The following GPR89B variants were observed in gnomAD, a reference collection of about 807,000 sequenced individuals.
The protein encoded by GPR89B is G protein-coupled receptor 89B.
Under a neutral mutation model 52.4 loss-of-function variants are expected in GPR89B, and 25 were observed. The observed-to-expected ratio is 0.48, with a 90% CI of 0.35 to 0.67. The LOEUF (loss-of-function observed/expected upper bound fraction) is 0.67, where lower values mean the gene tolerates loss of function less well. Ranked by LOEUF, GPR89B falls within the 30% of genes least tolerant of loss-of-function variation. GPR89B has a pLI of 0.01. For synonymous variants in GPR89B, 52 were observed against 151.2 expected, an observed-to-expected ratio of 0.34 and a Z score of 4.81; for missense variants, 146 against 450.2, an observed-to-expected ratio of 0.32 and a Z score of 6.11.
At chr1:147,962,756 G>A (rs1275314337) in intron 7 of GPR89B, among the ~76,000 whole-genome samples, 4 of 151,586 alleles carry the variant, frequency 2.6e-5, no homozygotes, top group African/African-American at 7.3e-5. Context: ...AAATTAGCCC[G>A]GTGTGGTGGC....
rs1485782659 is a variant in GPR89B, at chr1:147,940,272, G to A, written c.206+1455G>A. On this transcript the variant is annotated intron_variant, in intron 3 of 13. Coordinates refer to ENST00000314163, the MANE Select transcript of GPR89B (RefSeq NM_016334.5). ...CAAAAAATTAGCTGGGCATGGTGGT[G>A]GGCGCCTGTAGTCCCAGCTACTTGG... Among the ~76,000 whole-genome samples the A allele has an allele frequency of 2.0e-5, 3 of 151,696 alleles. No homozygotes were observed. In the East Asian group the frequency reaches 5.8e-4, roughly 30 times the overall value.
chr1:148,005,876 C>T, the GPR89B span, among the ~76,000 whole-genome samples: 1 of 151,940 alleles, frequency 6.6e-6, no homozygotes, highest in Non-Finnish European at 1.5e-5. Flanking sequence ...TCCAATGTAC[C>T]AACAAACTGG....
At chr1:148,014,946 T>C in the GPR89B span, 1 of 151,372 alleles carries the variant, frequency 6.6e-6, no homozygotes, top group African/African-American at 2.4e-5. Flanking sequence ...AAGATGCGCC[T>C]CTCCGGTTTT....
chr1:147,966,837 A>G, intron 8 of GPR89B, 174 bp downstream of exon 8: 1 of 23,734 alleles, frequency 4.2e-5, no homozygotes, highest in Non-Finnish European at 9.6e-5. Flanking sequence ...GCACCTGCAC[A>G]ATATCATAAA....
intron 5 of GPR89B, among the ~76,000 whole-genome samples, chr1:147,952,970 T>C (rs1321996112): frequency 1.3e-5 from 2 of 150,968 alleles, no homozygotes; most frequent in African/African-American, 4.9e-5. Flanking sequence ...CTGCTATTTA[T>C]ACTTTTCCAG....
chr1:148,017,531 G>A, the GPR89B span, among the ~76,000 whole-genome samples: 5 of 149,256 alleles, frequency 3.3e-5, no homozygotes, highest in Admixed American at 6.6e-5. Context: ...TCAGGAGATC[G>A]AGACCATCCT....
the GPR89B span, among the ~76,000 whole-genome samples, chr1:148,002,902 G>A: frequency 1.3e-5 from 2 of 152,118 alleles, no homozygotes; most frequent in Non-Finnish European, 2.9e-5. Flanking sequence ...TACAAAGCCT[G>A]AACTCAAGTG....
At position 147,957,029 on chromosome 1, in the gene GPR89B, A is replaced by G. The variant is rs1193318303; in HGVS notation, c.617+2627A>G. On this transcript the variant is annotated intron_variant, in intron 7 of 13. Coordinates refer to ENST00000314163, the MANE Select transcript of GPR89B (RefSeq NM_016334.5). ...GCTGGGATTACAGGCGTGAGCCACC[A>G]TGCCCAGCCTTATTGTCCTGAATTT... 6.3e-4 allele frequency among the ~76,000 whole-genome samples: 96 copies of G among 151,934 alleles called. 1 individual carries two copies. The highest frequency in any genetic ancestry group is 6.0e-4 in the Non-Finnish European group (41 of 67,960).
chr1:147,933,256 A>G (rs1653798528), intron 1 of GPR89B, among the ~76,000 whole-genome samples: 1 of 151,500 alleles, frequency 6.6e-6, no homozygotes, highest in Non-Finnish European at 1.5e-5. Flanking sequence ...GGCTCTCCCT[A>G]GAGTAATTTG....
At chr1:147,980,836 A>AT (rs1308480053) in intron 10 of GPR89B, among the ~76,000 whole-genome samples, 2 of 149,054 alleles carry the variant, frequency 1.3e-5, no homozygotes, top group Non-Finnish European at 3.0e-5. Flanking sequence ...AAAAAAAAAA[A>AT]AAAAAAAAAA....
intron 5 of GPR89B, among the ~76,000 whole-genome samples, chr1:147,944,898 A>C (rs1362111512): frequency 8.6e-5 from 13 of 151,680 alleles, no homozygotes; most frequent in South Asian, 4.1e-4. Context: ...TTTTAAAAAT[A>C]TATATATATA....
intron 9 of GPR89B, 159 bp from the exon 10 acceptor site, chr1:147,969,708 A>G (rs1657280274): frequency 2.5e-6 from 2 of 808,788 alleles, no homozygotes; most frequent in African/African-American, 3.6e-5. Context: ...GCAAGCATTC[A>G]GTAAATGCTG....
At chr1:147,979,363 C>G (rs1461351911) in intron 10 of GPR89B, among the ~76,000 whole-genome samples, 1,554 of 151,342 alleles carry the variant, frequency 0.01, 22 homozygotes, top group Non-Finnish European at 0.017. Context: ...CTTCCTTCTT[C>G]TTATCCTTTT....
intron 2 of GPR89B, among the ~76,000 whole-genome samples, chr1:147,938,054 C>G (rs1190811113): frequency 2.0e-5 from 3 of 152,058 alleles, no homozygotes; most frequent in Non-Finnish European, 2.9e-5. Context: ...AATTTATGTT[C>G]TTCTGCTGCG....
chr1:147,996,618 G>A (rs1571330213), downstream of GPR89B: 5 of 1,611,780 alleles, frequency 3.1e-6, no homozygotes, highest in Middle Eastern at 6.8e-4. Context: ...TTAGGCTTAT[G>A]ATCTTCTTCC....
At chr1:148,008,801 T>C in the GPR89B span, among the ~76,000 whole-genome samples, 3 of 152,222 alleles carry the variant, frequency 2.0e-5, no homozygotes, top group African/African-American at 7.2e-5. Context: ...GAGGATACTA[T>C]CAAAATGTTA....
intron 7 of GPR89B, among the ~76,000 whole-genome samples, chr1:147,962,352 A>T (rs2149069215): frequency 6.6e-6 from 1 of 150,846 alleles, no homozygotes; most frequent in South Asian, 2.1e-4. Context: ...TGAATCCAGG[A>T]GGCAGAGGTT....
chr1:148,007,359 G>A, the GPR89B span, among the ~76,000 whole-genome samples: 3 of 152,150 alleles, frequency 2.0e-5, no homozygotes, highest in Admixed American at 6.5e-5. Context: ...ACAGGCGTGA[G>A]CCACTGCGCC....
intron 7 of GPR89B, among the ~76,000 whole-genome samples, chr1:147,961,427 G>A (rs1306355387): frequency 5.9e-5 from 9 of 152,216 alleles, no homozygotes; most frequent in Non-Finnish European, 1.0e-4. Context: ...AAGCAACAAG[G>A]GGAAAATGAT....
Sources: allele counts gnomAD v4.1 joint callset (sites outside exome capture counted in the v4.1 genomes callset), GRCh38; gene constraint gnomAD v4.1.1; transcripts MANE v1.5; gene names NCBI Gene and HGNC (gene_info 2026-07-23, HGNC 2026-07-21).